Variants in PDXDC1 observed in about 807,000 individuals in gnomAD.
The protein encoded by PDXDC1 is pyridoxal dependent decarboxylase domain containing 1.
In PDXDC1, 42 loss-of-function variants were observed where a neutral mutation model predicts 100.1. The observed-to-expected ratio is 0.42, with a 90% confidence interval of 0.33 to 0.54. PDXDC1 has a LOEUF of 0.54. PDXDC1 is among the 20% of genes least tolerant of loss of function. The pLI, the probability that PDXDC1 is intolerant of heterozygous loss-of-function variation, is 0.10. For missense variants in PDXDC1, 636 were observed against 979.2 expected, an observed-to-expected ratio of 0.65 and a Z score of 4.68; for synonymous variants, 260 against 371.7, an observed-to-expected ratio of 0.70 and a Z score of 3.46.
At position 15,038,219 on chromosome 16, in the gene PDXDC1, AC is replaced by A; in HGVS notation, c.*1945del. 1 of 1,610,658 alleles carries A rather than the reference AC, an allele frequency of 6.2e-7. No individual in the cohort carries two copies. Among genetic ancestry groups the A allele is most frequent in the Non-Finnish European group, 8.5e-7 (1 of 1,178,008 alleles). On this transcript the variant is annotated 3_prime_UTR_variant, in exon 23 of 23. Coordinates refer to ENST00000396410, the MANE Select transcript of PDXDC1 (RefSeq NM_015027.4). ...GGCGAAGTGGAAAGATTCTGAAAAC[AC>A]AAGATGGTGGGCATTAGAGAAGCCA...
chr16:15,021,049 C>A (rs1243313750), intron 12 of PDXDC1, among the ~76,000 whole-genome samples: 1 of 152,214 alleles, frequency 6.6e-6, no homozygotes, highest in South Asian at 2.1e-4. Context: ...GTAGTCCCTT[C>A]GTTCATCATA....
At chr16:15,150,331 A>G in the PDXDC1 span, among the ~76,000 whole-genome samples, 2 of 149,416 alleles carry the variant, frequency 1.3e-5, no homozygotes, top group Non-Finnish European at 3.0e-5. Context: ...ACAGAGTGAG[A>G]CTCCATCTCA....
chr16:15,000,456 C>T (rs1281601311), intron 3 of PDXDC1, among the ~76,000 whole-genome samples: 1 of 152,292 alleles, frequency 6.6e-6, no homozygotes, highest in African/African-American at 2.4e-5. Context: ...GCCCAGAGCC[C>T]CTCTCACTTG....
At chr16:14,977,491 G>C (rs1258321109) in intron 1 of PDXDC1, among the ~76,000 whole-genome samples, 2 of 152,262 alleles carry the variant, frequency 1.3e-5, no homozygotes, top group Non-Finnish European at 2.9e-5. Flanking sequence ...CGTTGGTCAG[G>C]ATGGTCTCAA....
At chr16:15,000,105 T>A (rs1160199394) in intron 3 of PDXDC1, among the ~76,000 whole-genome samples, 2 of 152,290 alleles carry the variant, frequency 1.3e-5, no homozygotes, top group African/African-American at 4.8e-5. Flanking sequence ...GCAGGCCCTA[T>A]AAAATCTCCT....
chr16:15,007,157 CTTTTTTTTTTTTTTT>C (rs56256230), intron 6 of PDXDC1, among the ~76,000 whole-genome samples: 7 of 73,956 alleles, frequency 9.5e-5, no homozygotes, highest in South Asian at 6.6e-4. Flanking sequence ...AAGAGCATGA[CTTTTTTTTTTTTTTT>C]TTTTTTTTTT....
At chr16:15,071,268 C>A (rs374626074) in intron 16 of PDXDC1, 1 of 1,585,970 alleles carries the variant, frequency 6.3e-7, no homozygotes, top group Admixed American at 1.8e-5. Flanking sequence ...AAAGAGAGGG[C>A]GTCGGTGTGA....
At chr16:15,070,315 A>G (rs777948472) in intron 16 of PDXDC1, 84 of 1,589,226 alleles carry the variant, frequency 5.3e-5, no homozygotes, top group Non-Finnish European at 6.8e-5. Flanking sequence ...AATAACATAA[A>G]AACACACAAC....
At chr16:15,136,099 A>G (rs1490430053) in intron 16 of PDXDC1, 29 of 1,580,266 alleles carry the variant, frequency 1.8e-5, no homozygotes, top group Non-Finnish European at 2.2e-5. Flanking sequence ...CACCCGCTGC[A>G]CAGTCGAGAA....
intron 16 of PDXDC1, among the ~76,000 whole-genome samples, chr16:15,053,461 T>C (rs2044372443): frequency 6.8e-6 from 1 of 148,006 alleles, no homozygotes; most frequent in Non-Finnish European, 1.5e-5. Context: ...AAACAACATA[T>C]AGTAAGCTAT....
At chr16:15,013,270 A>G (rs1358212235) in intron 8 of PDXDC1, among the ~76,000 whole-genome samples, 14 of 149,982 alleles carry the variant, frequency 9.3e-5, no homozygotes, top group Non-Finnish European at 2.1e-4. Context: ...AATGGCTTGA[A>G]CCCGGGAGGC....
chr16:15,047,751 A>C, intron 16 of PDXDC1: 1 of 1,044,006 alleles, frequency 9.6e-7, no homozygotes, highest in Non-Finnish European at 1.5e-6. Flanking sequence ...AGGTAAGCGG[A>C]GTCCGCTTCC....
At chr16:15,040,221 A>AG, downstream of PDXDC1, 1 of 443,192 alleles carries the variant, frequency 2.3e-6, no homozygotes, top group South Asian at 5.6e-5. Flanking sequence ...GGAGGGGGAA[A>AG]ATGCAACCTT....
chr16:15,128,310 G>C (rs200050142), intron 16 of PDXDC1: 2 of 1,610,232 alleles, frequency 1.2e-6, no homozygotes, highest in Non-Finnish European at 1.7e-6. Context: ...TGCGGTGGAA[G>C]GCTCTGTCGC....
intron 16 of PDXDC1, chr16:15,125,702 G>C (rs751823495): frequency 1.6e-5 from 21 of 1,354,350 alleles, no homozygotes; most frequent in African/African-American, 8.5e-5. Flanking sequence ...TCAGCGTGGA[G>C]GCCTGAGAAC....
chr16:15,063,379 C>T (rs2044801448), intron 16 of PDXDC1: 1 of 917,718 alleles, frequency 1.1e-6, no homozygotes, highest in Admixed American at 1.8e-5. Context: ...TTACCCAAAA[C>T]CAAGAAGTGA....
At chr16:15,096,293 G>A (rs1294809326) in intron 16 of PDXDC1, among the ~76,000 whole-genome samples, 1 of 151,950 alleles carries the variant, frequency 6.6e-6, no homozygotes, top group Non-Finnish European at 1.5e-5. Context: ...ATTTTTAGTA[G>A]AGACAGGGTT....
chr16:15,070,208 A>G (rs2045162378), intron 16 of PDXDC1: 2 of 1,606,546 alleles, frequency 1.2e-6, no homozygotes, highest in African/African-American at 1.3e-5. Flanking sequence ...TTATTAAGGT[A>G]TATGTGCAGC....
chr16:15,035,980 C>T, intron 22 of PDXDC1, 36 bp from the exon 23 acceptor site: 1 of 1,578,036 alleles, frequency 6.3e-7, no homozygotes, highest in South Asian at 1.2e-5. Context: ...AGTATCCTCA[C>T]TGAGTTTCAG....
Sources: allele counts gnomAD v4.1 joint callset (sites outside exome capture counted in the v4.1 genomes callset), GRCh38; gene constraint gnomAD v4.1.1; transcripts MANE v1.5; gene names NCBI Gene and HGNC (gene_info 2026-07-23, HGNC 2026-07-21).